CEP83: variants seen among roughly 807,000 people sequenced by gnomAD.
The protein encoded by CEP83 is centrosomal protein 83, also known as centrosomal protein of 83 kDa.
In CEP83, 70 loss-of-function variants were observed where a neutral mutation model predicts 101.9. The ratio of observed to expected loss-of-function variants is 0.69; its 90% confidence interval spans 0.57 to 0.84. The LOEUF is 0.84. CEP83 is among the 40% of genes least tolerant of loss of function. The pLI is 0.00. For synonymous variants in CEP83, 264 were observed against 267.9 expected (o/e 0.99, Z 0.14); for missense variants, 715 against 787.2 (o/e 0.91, Z 1.10).
At chr12:94,315,554 T>A (rs1970544993) in intron 14 of CEP83, among the ~76,000 whole-genome samples, 1 of 152,096 alleles carries the variant, frequency 6.6e-6, no homozygotes, top group Admixed American at 6.6e-5. Context: ...CTTAAGAGTA[T>A]CCCTTAATAA....
intron 8 of CEP83, among the ~76,000 whole-genome samples, chr12:94,374,780 A>T (rs2061454323): frequency 6.6e-6 from 1 of 152,190 alleles, no homozygotes; most frequent in South Asian, 2.1e-4. Flanking sequence ...TTATTTAAGG[A>T]TATCACCAGT....
In CEP83 at chr12:94,409,486, T is replaced by C. The variant is rs1418708536; in HGVS notation, c.324+2211A>G. 2.0e-5 allele frequency among the ~76,000 whole-genome samples: 3 copies of C among 152,250 alleles called. No individual in the cohort carries two copies. The East Asian group carries it at 5.8e-4, about 29-fold the overall frequency. Reference sequence around the variant, plus strand: ...TGTTTAACATACTTTAATCTATAAATACAATTGGATCACTTTAAAAAGTTC... The same window carrying C: ...TGTTTAACATACTTTAATCTATAAACACAATTGGATCACTTTAAAAAGTTC... On this transcript the variant is annotated intron_variant, in intron 4 of 16. Transcript: ENST00000397809.
intron 14 of CEP83, among the ~76,000 whole-genome samples, chr12:94,331,171 AT>A (rs1593194361): frequency 6.6e-6 from 1 of 151,058 alleles, no homozygotes; most frequent in East Asian, 2.0e-4. Context: ...TGTGCCTATA[AT>A]TCCAGCTACT....
chr12:94,396,450 GGC>G (rs1223722734), intron 6 of CEP83, among the ~76,000 whole-genome samples: 3 of 151,634 alleles, frequency 2.0e-5, no homozygotes, highest in Admixed American at 2.0e-4. Context: ...CACCACACCA[GGC>G]TAATTTTTTG....
chr12:94,329,988 A>AC (rs1466012152), intron 14 of CEP83, among the ~76,000 whole-genome samples: 1 of 152,164 alleles, frequency 6.6e-6, no homozygotes, highest in Admixed American at 6.5e-5. Flanking sequence ...TGTCACTCCA[A>AC]CCATCAGCAA....
chr12:94,364,352 C>T (rs1368614200), intron 11 of CEP83, among the ~76,000 whole-genome samples: 1 of 152,048 alleles, frequency 6.6e-6, no homozygotes, highest in Admixed American at 6.6e-5. Flanking sequence ...TGGAGCTAGA[C>T]ATTAATATTC....
chr12:94,321,467 C>T (rs1467572866), intron 14 of CEP83, among the ~76,000 whole-genome samples: 2 of 152,154 alleles, frequency 1.3e-5, no homozygotes, highest in Admixed American at 6.5e-5. Context: ...TCCGTTGATT[C>T]CTTCTGTCTG....
At chr12:94,459,337 C>T (rs61679133) in intron 1 of CEP83, among the ~76,000 whole-genome samples, 20,855 of 152,138 alleles carry the variant, frequency 0.14, 1,529 homozygotes, top group African/African-American at 0.19. Context: ...ACTTAAACGT[C>T]TGGCCAATTA....
At chr12:94,333,245 AATACT>A (rs1448654309) in intron 13 of CEP83, among the ~76,000 whole-genome samples, 4 of 152,108 alleles carry the variant, frequency 2.6e-5, no homozygotes, top group Admixed American at 6.5e-5. Flanking sequence ...GGTTTTTCAG[AATACT>A]ATACTGTCAG....
At chr12:94,324,302 T>C (rs2058873827) in intron 14 of CEP83, among the ~76,000 whole-genome samples, 1 of 152,232 alleles carries the variant, frequency 6.6e-6, no homozygotes, top group South Asian at 2.1e-4. Context: ...TTTCATTTCA[T>C]TAATAGATAC....
chr12:94,331,289 G>GAAAAAA (rs568464808), intron 14 of CEP83, among the ~76,000 whole-genome samples: 2 of 43,818 alleles, frequency 4.6e-5, no homozygotes, highest in African/African-American at 1.3e-4. Flanking sequence ...CAGACTCTCA[G>GAAAAAA]AAAAAAAAAA....
intron 6 of CEP83, among the ~76,000 whole-genome samples, chr12:94,393,795 T>C (rs1402092163): frequency 6.6e-6 from 1 of 152,118 alleles, no homozygotes; most frequent in African/African-American, 2.4e-5. Context: ...ACAAAATCAA[T>C]GGGCAAAAAT....
intron 1 of CEP83, 47 bp from the exon 2 acceptor site, chr12:94,435,374 C>A (rs1481004071): frequency 6.6e-6 from 1 of 152,214 alleles, no homozygotes; most frequent in Non-Finnish European, 1.5e-5. Flanking sequence ...ACAGGACTTA[C>A]TAAGTTTCCC....
At chr12:94,270,142 T>C in the CEP83 span, among the ~76,000 whole-genome samples, 1 of 152,384 alleles carries the variant, frequency 6.6e-6, no homozygotes, top group Non-Finnish European at 1.5e-5. Flanking sequence ...ATGGCGGAGA[T>C]AGAAAGCATT....
intron 4 of CEP83, among the ~76,000 whole-genome samples, chr12:94,406,452 A>G (rs1286431782): frequency 6.6e-6 from 1 of 150,386 alleles, no homozygotes; most frequent in Non-Finnish European, 1.5e-5. Context: ...GAGAAGCATG[A>G]GAGAGAGAGA....
At chr12:94,311,443 C>T (rs1593068135) in intron 15 of CEP83, among the ~76,000 whole-genome samples, 1 of 152,152 alleles carries the variant, frequency 6.6e-6, no homozygotes. Flanking sequence ...CGGGTTACAA[C>T]TTGGGGCTTA....
At chr12:94,350,589 C>T (rs547580749) in intron 11 of CEP83, among the ~76,000 whole-genome samples, 5 of 151,662 alleles carry the variant, frequency 3.3e-5, no homozygotes, top group East Asian at 1.9e-4. Flanking sequence ...GGATATGACA[C>T]GAAAGGCATA....
chr12:94,446,179 G>T (rs1416506569), intron 1 of CEP83, among the ~76,000 whole-genome samples: 1 of 152,148 alleles, frequency 6.6e-6, no homozygotes, highest in African/African-American at 2.4e-5. Flanking sequence ...CAAAAATTAG[G>T]TAAGTAACTA....
chr12:94,395,087 G>A lies in CEP83; in HGVS notation c.549+5763C>T, dbSNP rs184149480. ...GCAATCCCTCAAGGATCTAGAACTAGAAATACCATTTGATCCAGCAATCCC... is the reference window on the plus strand; with the variant it reads ...GCAATCCCTCAAGGATCTAGAACTAAAAATACCATTTGATCCAGCAATCCC... On this transcript the variant is annotated intron_variant, in intron 6 of 16. Transcript: ENST00000397809. Among the ~76,000 whole-genome samples, 316 of 152,106 alleles carry A rather than the reference G, an allele frequency of 2.1e-3. 1 individual carries two copies. The highest frequency in any genetic ancestry group is 7.2e-3 in the African/African-American group (297 of 41,504).
Sources: allele counts gnomAD v4.1 joint callset (sites outside exome capture counted in the v4.1 genomes callset), GRCh38; gene constraint gnomAD v4.1.1; transcripts MANE v1.5; gene names NCBI Gene and HGNC (gene_info 2026-07-23, HGNC 2026-07-21).